TNKS: variants seen among roughly 807,000 people sequenced by gnomAD.
TNKS encodes poly [ADP-ribose] polymerase tankyrase-1.
A neutral mutation model predicts 135.8 loss-of-function variants in TNKS; 72 were observed. That is an observed-to-expected ratio of 0.53 (90% CI 0.44 to 0.64). TNKS has a LOEUF of 0.64. Among genes scored for constraint, TNKS ranks in the 30% least tolerant of loss-of-function variants. The pLI is 0.00. For synonymous variants in TNKS, 849 were observed against 649.3 expected (o/e 1.31, Z -4.68); for missense variants, 1,769 against 1,674.0 (o/e 1.06, Z -0.99).
intron 5 of TNKS, among the ~76,000 whole-genome samples, chr8:9,691,546 G>A (rs1283965842): frequency 1.3e-5 from 2 of 152,146 alleles, no homozygotes; most frequent in African/African-American, 4.8e-5. Context: ...TGCAGAATGA[G>A]AGTTTCTAAG....
intron 26 of TNKS, among the ~76,000 whole-genome samples, chr8:9,774,511 T>C (rs1808116111): frequency 1.3e-5 from 2 of 152,216 alleles, no homozygotes; most frequent in African/African-American, 4.8e-5. Context: ...CATCCTACGC[T>C]GGTATAACCA....
chr8:9,709,771 T>C (rs1554474986), intron 9 of TNKS, among the ~76,000 whole-genome samples, 184 bp from the exon 10 acceptor site: 1 of 152,248 alleles, frequency 6.6e-6, no homozygotes, highest in Non-Finnish European at 1.5e-5. Flanking sequence ...TTTAAACGCT[T>C]ACGTTTTGTA....
intron 11 of TNKS, among the ~76,000 whole-genome samples, chr8:9,719,545 C>T (rs1332103523): frequency 1.3e-5 from 2 of 152,198 alleles, no homozygotes; most frequent in African/African-American, 4.8e-5. Context: ...TCAAAGTCTT[C>T]AAGAAATCAA....
chr8:9,759,644 C>T (rs1807036273), intron 20 of TNKS, among the ~76,000 whole-genome samples: 3 of 152,170 alleles, frequency 2.0e-5, no homozygotes, highest in Admixed American at 1.3e-4. Context: ...CTGGTGTCTG[C>T]TTCCTCCAGA....
At chr8:9,669,699 C>A (rs1802181461) in intron 3 of TNKS, among the ~76,000 whole-genome samples, 1 of 152,052 alleles carries the variant, frequency 6.6e-6, no homozygotes, top group South Asian at 2.1e-4. Flanking sequence ...ATTCAGACTT[C>A]ACATATAGAG....
intron 13 of TNKS, among the ~76,000 whole-genome samples, chr8:9,730,125 T>G (rs565475355): frequency 2.6e-5 from 4 of 152,310 alleles, no homozygotes; most frequent in Admixed American, 2.6e-4. Flanking sequence ...CATTACTCAC[T>G]TATTACCACC....
chr8:9,717,101 A>ATATATATATATATATATTTTTTTTTTT (rs1454492300), intron 11 of TNKS, among the ~76,000 whole-genome samples: 3 of 119,320 alleles, frequency 2.5e-5, no homozygotes, highest in Admixed American at 8.6e-5. Context: ...ATATATATAT[A>ATATATATATATATATATTTTTTTTTTT]TTTTCAGGGA....
intron 5 of TNKS, 195 bp downstream of exon 5, chr8:9,680,995 G>A: frequency 2.3e-6 from 1 of 425,994 alleles, no homozygotes; most frequent in Non-Finnish European, 4.2e-6. Context: ...TGGATCTTAA[G>A]TAAGCCTTTT....
chr8:9,607,897 G>A (rs183111456), intron 2 of TNKS, among the ~76,000 whole-genome samples: 98 of 152,226 alleles, frequency 6.4e-4, no homozygotes, highest in Non-Finnish European at 1.1e-3. Flanking sequence ...TTATAGTGAA[G>A]AATGTAATAA....
At chr8:9,652,523 C>G (rs1380841777) in intron 3 of TNKS, among the ~76,000 whole-genome samples, 1 of 152,112 alleles carries the variant, frequency 6.6e-6, no homozygotes, top group African/African-American at 2.4e-5. Context: ...AAAAATACCT[C>G]TCCTTTTTGT....
intron 17 of TNKS, among the ~76,000 whole-genome samples, chr8:9,736,494 G>C (rs917749755): frequency 2.0e-5 from 3 of 151,794 alleles, no homozygotes; most frequent in African/African-American, 7.3e-5. Flanking sequence ...TGTCCTGAAT[G>C]GTAATGCCTA....
intron 3 of TNKS, among the ~76,000 whole-genome samples, chr8:9,621,429 C>T (rs1045250161): frequency 6.6e-6 from 1 of 151,910 alleles, no homozygotes; most frequent in Non-Finnish European, 1.5e-5. Context: ...CTCTCAGTCT[C>T]CCAAGTAGCT....
chr8:9,556,829 T>G, intron 1 of TNKS: 6 of 592,194 alleles, frequency 1.0e-5, no homozygotes, highest in East Asian at 2.9e-5. Flanking sequence ...TCTTCAGTGG[T>G]TGCACAGTAC....
chr8:9,615,525 C>T (rs1799608728), intron 2 of TNKS, 57 bp from the exon 3 acceptor site: 4 of 1,405,152 alleles, frequency 2.8e-6, no homozygotes, highest in Admixed American at 1.9e-5. Context: ...CGACACTTAC[C>T]AGTAAATAAT....
intron 5 of TNKS, among the ~76,000 whole-genome samples, chr8:9,682,026 C>T (rs1456705616): frequency 1.3e-5 from 2 of 152,086 alleles, no homozygotes; most frequent in Non-Finnish European, 1.5e-5. Context: ...CTATTAGTTA[C>T]TCTTGGGAAG....
At chr8:9,708,275 CATAAA>C in intron 8 of TNKS, 91 bp from the exon 9 acceptor site, 1 of 1,121,220 alleles carries the variant, frequency 8.9e-7, no homozygotes, top group Non-Finnish European at 1.2e-6. Context: ...TAGAGAAATT[CATAAA>C]ATAATAATAT....
rs112165102 is a variant in TNKS at position 9,761,407 on chromosome 8, G to T, written c.3154-109G>T. On this transcript the variant is annotated intron_variant, in intron 20 of 26. Transcript: ENST00000310430. Reference sequence around the variant, plus strand: ...GCTCATGTTTATAAAGGGAACAAAAGAATTTTCTTAATTTGAATGGTACTC... The same window carrying T: ...GCTCATGTTTATAAAGGGAACAAAATAATTTTCTTAATTTGAATGGTACTC... 2.6e-4 allele frequency: 313 copies of T among 1,193,958 alleles called. No individual in the cohort carries two copies. The African/African-American group carries it at 4.4e-3, about 17-fold the overall frequency. The allele number at this position is 1,193,958 out of a possible 1,614,324, so 74.0% of individuals were successfully genotyped here.
chr8:9,569,984 A>G (rs893403641), intron 1 of TNKS, among the ~76,000 whole-genome samples: 2 of 151,920 alleles, frequency 1.3e-5, no homozygotes, highest in Non-Finnish European at 2.9e-5. Flanking sequence ...TGCTTCTCCT[A>G]TTCTGAGATC....
At chr8:9,633,649 A>G (rs1416942426) in intron 3 of TNKS, among the ~76,000 whole-genome samples, 1 of 152,232 alleles carries the variant, frequency 6.6e-6, no homozygotes, top group Non-Finnish European at 1.5e-5. Flanking sequence ...AGATGGTCAT[A>G]AAAACTATGG....
Sources: gnomAD v4.1 joint callset for allele counts (sites outside exome capture counted in the v4.1 genomes callset) on GRCh38, gnomAD v4.1.1 for gene constraint, MANE v1.5 for transcripts, NCBI Gene and HGNC (gene_info 2026-07-23, HGNC 2026-07-21) for gene names.